SND1: variants seen among roughly 807,000 people sequenced by gnomAD.
SND1 encodes staphylococcal nuclease and tudor domain containing 1, also known as staphylococcal nuclease domain-containing protein 1.
Under a neutral mutation model 121.7 loss-of-function variants are expected in SND1, and 38 were observed. The observed-to-expected ratio is 0.31, with a 90% CI of 0.24 to 0.41. SND1 has a LOEUF of 0.41. Among genes scored for constraint, SND1 ranks in the 10% least tolerant of loss-of-function variants. SND1 has a pLI of 1.00. For synonymous variants in SND1, 401 were observed against 447.4 expected, an observed-to-expected ratio of 0.90 and a Z score of 1.31; for missense variants, 868 against 1,184.6, an observed-to-expected ratio of 0.73 and a Z score of 3.92.
At chr7:128,030,470 G>A (rs769343155) in intron 16 of SND1, 4 of 1,613,610 alleles carry the variant, frequency 2.5e-6, no homozygotes, top group Non-Finnish European at 3.4e-6. Context: ...ACACCACCTT[G>A]CTGAACTGGT....
chr7:127,701,355 C>G, intron 5 of SND1, 32 bp downstream of exon 5: 1 of 1,598,414 alleles, frequency 6.3e-7, no homozygotes, highest in South Asian at 1.1e-5. Flanking sequence ...AGATACGACT[C>G]AGGGTGATTT....
At chr7:127,698,999 C>T (rs202099799) in intron 4 of SND1, 46 bp downstream of exon 4, 1 of 1,511,368 alleles carries the variant, frequency 6.6e-7, no homozygotes, top group African/African-American at 1.4e-5. Context: ...GGTAAATTGG[C>T]TTTGCTGCAT....
chr7:128,068,878 A>C (rs1793361428), intron 16 of SND1, among the ~76,000 whole-genome samples: 1 of 152,248 alleles, frequency 6.6e-6, no homozygotes, highest in South Asian at 2.1e-4. Context: ...ATAAGCCAGA[A>C]CAATTTCATT....
At chr7:128,061,679 A>G (rs1296758815) in intron 16 of SND1, among the ~76,000 whole-genome samples, 1 of 152,206 alleles carries the variant, frequency 6.6e-6, no homozygotes, top group African/African-American at 2.4e-5. Flanking sequence ...AGGAAACCCA[A>G]CCTCCACACA....
chr7:127,703,286 G>T lies in SND1; in HGVS notation c.803G>T (p.Cys268Phe), dbSNP rs1796135281. Residue 268 changes from cysteine to phenylalanine, a missense_variant, in exon 7 of 24, where the codon TGC becomes TTC. By Grantham distance (205) the Cys-to-Phe change is radical. Transcript: ENST00000354725. ...QRDVQIILES[C>F]HNQNILGTIL... ...GATGTTCAGATCATTCTGGAGAGCT[G>T]CCACAACCAGAACATTCTGGGTACC... The T allele has an allele frequency of 6.2e-7, 1 of 1,614,040 alleles. No homozygotes were observed.
At chr7:128,055,125 T>A (rs1375928124) in intron 16 of SND1, among the ~76,000 whole-genome samples, 1 of 152,194 alleles carries the variant, frequency 6.6e-6, no homozygotes, top group Non-Finnish European at 1.5e-5. Flanking sequence ...TTGTTTCAGT[T>A]GGGAAAGCTG....
At chr7:128,018,440 C>A (rs985553102) in intron 16 of SND1, among the ~76,000 whole-genome samples, 1 of 152,224 alleles carries the variant, frequency 6.6e-6, no homozygotes, top group Non-Finnish European at 1.5e-5. Flanking sequence ...AGCCTTTGGC[C>A]AGGAAGGGCA....
At chr7:127,739,531 T>G (rs1796838407) in intron 10 of SND1, among the ~76,000 whole-genome samples, 2 of 152,204 alleles carry the variant, frequency 1.3e-5, no homozygotes, top group African/African-American at 4.8e-5. Flanking sequence ...GGAGCTTTCT[T>G]AGCTTTAATG....
At chr7:127,907,063 A>G (rs574272619) in intron 14 of SND1, among the ~76,000 whole-genome samples, 1 of 152,348 alleles carries the variant, frequency 6.6e-6, no homozygotes, top group East Asian at 1.9e-4. Flanking sequence ...CTCAGTCACC[A>G]CATAAATAAA....
chr7:127,804,399 CTT>C (rs1209254490), intron 10 of SND1, among the ~76,000 whole-genome samples: 2 of 152,098 alleles, frequency 1.3e-5, no homozygotes, highest in Non-Finnish European at 2.9e-5. Flanking sequence ...TGTTGATACA[CTT>C]TTTATTTTCC....
intron 11 of SND1, among the ~76,000 whole-genome samples, chr7:127,812,605 G>C (rs1474160923): frequency 6.6e-6 from 1 of 152,204 alleles, no homozygotes; most frequent in Non-Finnish European, 1.5e-5. Context: ...GGGTCACGGA[G>C]AAGTTGAGGG....
rs776185883 is a variant in SND1 at position 127,702,423 on chromosome 7, T to C, written c.590-12T>C. ...TTTGCTAAGGACTTAAGCTGTTTAT[T>C]CTGTCACACAGCTATCATCGAGCAT... is the stretch of plus-strand genomic sequence containing the variant. On this transcript the variant is annotated splice_polypyrimidine_tract_variant and intron_variant, in intron 5 of 23. Transcript: ENST00000354725. 214 of 1,611,634 alleles carry C rather than the reference T, an allele frequency of 1.3e-4. No homozygotes were observed. Among genetic ancestry groups the C allele is most frequent in the Non-Finnish European group, 1.7e-4 (197 of 1,177,854 alleles).
chr7:127,964,131 T>C (rs1260050170), intron 15 of SND1, among the ~76,000 whole-genome samples: 1 of 148,834 alleles, frequency 6.7e-6, no homozygotes, highest in Admixed American at 6.7e-5. Context: ...TTTGTTTGAG[T>C]TCATTGTAGA....
intron 15 of SND1, among the ~76,000 whole-genome samples, chr7:127,963,134 A>G (rs895925579): frequency 4.6e-5 from 7 of 152,294 alleles, no homozygotes; most frequent in East Asian, 3.9e-4. Context: ...GGGCAGCTCT[A>G]TTCTAAGCTG....
At chr7:128,023,512 A>G (rs894222529) in intron 16 of SND1, among the ~76,000 whole-genome samples, 2 of 152,224 alleles carry the variant, frequency 1.3e-5, no homozygotes, top group Non-Finnish European at 2.9e-5. Context: ...CTGGCTCACC[A>G]CAAGGAAAGG....
In SND1 at chr7:128,076,360, G is replaced by A. The variant is rs557722093; in HGVS notation, c.1968+1670G>A. ...GTGATTAATTACTTACACGGCCTGC[G>A]TGTTTTTATTCCAGTCCAATTAAAA... On this transcript the variant is annotated intron_variant, in intron 17 of 23. Coordinates refer to ENST00000354725, the MANE Select transcript of SND1 (RefSeq NM_014390.4). Among the ~76,000 whole-genome samples, 92 of 152,330 alleles carry A rather than the reference G, an allele frequency of 6.0e-4. 1 individual carries two copies. The South Asian group carries it at 6.6e-3, about 11-fold the overall frequency.
intron 18 of SND1, among the ~76,000 whole-genome samples, chr7:128,084,078 CT>C (rs912881883): frequency 4.6e-5 from 7 of 152,328 alleles, no homozygotes; most frequent in African/African-American, 1.7e-4. Flanking sequence ...ACTGGAAGTC[CT>C]GTTCAGCATG....
rs377609383 is a variant in SND1, at chr7:127,929,140, T to C, written c.1528-48T>C. ...GTCCTAGACTATAAAGAAAGAAACG[T>C]TGGGTTTTATTACTTTCCAGTTACT... On this transcript the variant is annotated intron_variant, in intron 14 of 23. Transcript: ENST00000354725. The C allele has an allele frequency of 1.7e-5, 27 of 1,593,842 alleles. No individual in the cohort carries two copies. The African/African-American group carries it at 3.0e-4, about 18-fold the overall frequency.
At chr7:128,045,294 A>G (rs1342369770) in intron 16 of SND1, among the ~76,000 whole-genome samples, 1 of 152,124 alleles carries the variant, frequency 6.6e-6, no homozygotes, top group East Asian at 1.9e-4. Flanking sequence ...GGCTGCCCCC[A>G]GAATAGAGTT....
Sources: gnomAD v4.1 joint callset for allele counts (sites outside exome capture counted in the v4.1 genomes callset) on GRCh38, gnomAD v4.1.1 for gene constraint, MANE v1.5 for transcripts, NCBI Gene and HGNC (gene_info 2026-07-23, HGNC 2026-07-21) for gene names.